JAKMIP3: variants seen among roughly 807,000 people sequenced by gnomAD.
The protein encoded by JAKMIP3 is janus kinase and microtubule-interacting protein 3.
A neutral mutation model predicts 118.5 loss-of-function variants in JAKMIP3; 58 were observed. The observed-to-expected ratio is 0.49, with a 90% CI of 0.40 to 0.61. The LOEUF (loss-of-function observed/expected upper bound fraction) is 0.61, where lower values mean the gene tolerates loss of function less well. JAKMIP3 is among the 20% of genes least tolerant of loss of function. The pLI is 0.00. For synonymous variants in JAKMIP3, 486 were observed against 451.2 expected (o/e 1.08, Z -0.98); for missense variants, 950 against 1,109.0 (o/e 0.86, Z 2.04).
intron 1 of JAKMIP3, among the ~76,000 whole-genome samples, chr10:132,093,045 GT>G (rs2043300348): frequency 1.3e-5 from 2 of 152,228 alleles, no homozygotes; most frequent in Admixed American, 6.5e-5. Flanking sequence ...TCCAGACCCT[GT>G]TTGCCTGGGT....
intron 2 of JAKMIP3, among the ~76,000 whole-genome samples, chr10:132,105,766 G>A (rs917161445): frequency 1.3e-5 from 2 of 152,178 alleles, no homozygotes; most frequent in African/African-American, 4.8e-5. Context: ...GGCTGGGAAC[G>A]AAGGCAGGTG....
chr10:132,093,341 C>T (rs996800516), intron 1 of JAKMIP3, among the ~76,000 whole-genome samples: 26 of 152,298 alleles, frequency 1.7e-4, no homozygotes, highest in Admixed American at 6.5e-4. Flanking sequence ...GCCTTTTGTT[C>T]GGCTGTGCCC....
chr10:132,115,238 G>A (rs938386341), intron 2 of JAKMIP3, among the ~76,000 whole-genome samples: 7 of 97,212 alleles, frequency 7.2e-5, no homozygotes, highest in Admixed American at 2.6e-4. Flanking sequence ...CACCGCGATC[G>A]CGGCTAGGGG....
Position 132,163,189 on chromosome 10 carries a change from C to T in JAKMIP3, c.2221-20C>T, listed in dbSNP as rs557603739. 18 of 1,545,860 alleles carry T rather than the reference C, an allele frequency of 1.2e-5. No individual in the cohort carries two copies. In the East Asian group the frequency reaches 1.5e-4, roughly 13 times the overall value. On this transcript the variant is annotated intron_variant, in intron 19 of 23. Transcript: ENST00000684848. ...TCTGGGGAGAAGGCAAGGACTAAGG[C>T]GTCTCCCCTTCCGCCCCAGCACATC...
chr10:132,059,929 G>A (rs909822634), upstream of JAKMIP3, among the ~76,000 whole-genome samples: 5 of 152,248 alleles, frequency 3.3e-5, no homozygotes, highest in Non-Finnish European at 7.3e-5. Context: ...AGGGGAGAGT[G>A]GAGCCGTGAG....
At position 132,055,809 on chromosome 10, in the gene JAKMIP3, C is replaced by T. The variant is rs913870; in HGVS notation, c.-138+19071C>T. 5.4e-3 allele frequency among the ~76,000 whole-genome samples: 819 copies of T among 152,300 alleles called. 14 individuals are homozygous for T. Among genetic ancestry groups the T allele is most frequent in the African/African-American group, 0.018 (764 of 41,562 alleles). On this transcript the variant is annotated intron_variant, in intron 1 of 23. Transcript: ENST00000657785. ...GTTTGTGTCCCACTGTGCCATCAGG[C>T]GACCTGGAGGTGCAGAGAGCCCAGT...
chr10:132,165,779 T>C (rs1387654215), intron 21 of JAKMIP3, among the ~76,000 whole-genome samples: 1 of 152,206 alleles, frequency 6.6e-6, no homozygotes, highest in Non-Finnish European at 1.5e-5. Flanking sequence ...GCCCTTCCAC[T>C]GGGCACTCAC....
In JAKMIP3 at chr10:132,168,317, C is replaced by T. The variant is rs763877472; in HGVS notation, c.*387C>T. Reference sequence around the variant, plus strand: ...CAGAAGCACCAGCCGCGGGTCCCCTCCTCTCTCTTGGTTCTCACAGTAGCT... The same window carrying T: ...CAGAAGCACCAGCCGCGGGTCCCCTTCTCTCTCTTGGTTCTCACAGTAGCT... On this transcript the variant is annotated 3_prime_UTR_variant, in exon 23 of 24. Coordinates refer to ENST00000684848, the MANE Select transcript of JAKMIP3 (RefSeq NM_001323087.2). 1.6e-6 allele frequency: 2 copies of T among 1,289,514 alleles called. No homozygotes were observed. The highest frequency in any genetic ancestry group is 2.5e-5 in the South Asian group (2 of 81,034). The allele number at this position is 1,289,514 out of a possible 1,614,324, so 79.9% of individuals were successfully genotyped here.
chr10:132,127,887 C>T (rs1314882409), intron 3 of JAKMIP3, among the ~76,000 whole-genome samples: 1 of 152,140 alleles, frequency 6.6e-6, no homozygotes, highest in East Asian at 1.9e-4. Context: ...ATACAAGTAC[C>T]TTATAAGGCA....
chr10:132,069,940 G>C (rs991408781), intron 1 of JAKMIP3, among the ~76,000 whole-genome samples: 4 of 152,182 alleles, frequency 2.6e-5, no homozygotes, highest in African/African-American at 7.2e-5. Context: ...GTCCCCAGTA[G>C]AGTGTGACCC....
intron 1 of JAKMIP3, among the ~76,000 whole-genome samples, chr10:132,047,962 G>T (rs991968139): frequency 6.6e-6 from 1 of 152,208 alleles, no homozygotes; most frequent in African/African-American, 2.4e-5. Flanking sequence ...CTGTGGCGCC[G>T]CCTGTGTCTT....
At chr10:132,147,697 C>G (rs567305244) in intron 13 of JAKMIP3, among the ~76,000 whole-genome samples, 1 of 152,246 alleles carries the variant, frequency 6.6e-6, no homozygotes, top group Non-Finnish European at 1.5e-5. Context: ...CTCAGGGCCC[C>G]GATATGATCG....
At chr10:132,151,717 G>T (rs574278837) in intron 16 of JAKMIP3, among the ~76,000 whole-genome samples, 1 of 152,040 alleles carries the variant, frequency 6.6e-6, no homozygotes, top group African/African-American at 2.4e-5. Context: ...CTATTTCAGG[G>T]TTCCTGCCCA....
At position 132,091,258 on chromosome 10, in the gene JAKMIP3, G is replaced by A. The variant is rs555213298; in HGVS notation, c.-137-13414G>A. ...TGCTGAGAAGAATGTATATTCTGTT[G>A]ATTTGGGGTGGAGAGTTCTGTAGAT... On this transcript the variant is annotated intron_variant, in intron 1 of 23. Transcript: ENST00000684848. 3.7e-3 allele frequency among the ~76,000 whole-genome samples: 566 copies of A among 152,346 alleles called. 6 individuals are homozygous for A. Among genetic ancestry groups the A allele is most frequent in the African/African-American group, 0.013 (537 of 41,580 alleles).
intron 2 of JAKMIP3, among the ~76,000 whole-genome samples, chr10:132,108,953 C>T (rs945102609): frequency 4.0e-5 from 6 of 148,288 alleles, no homozygotes; most frequent in Admixed American, 6.8e-5. Flanking sequence ...AAATTATATA[C>T]GCAAATGTAT....
At chr10:132,071,752 A>C (rs1278316145) in intron 1 of JAKMIP3, among the ~76,000 whole-genome samples, 2 of 151,822 alleles carry the variant, frequency 1.3e-5, no homozygotes, top group African/African-American at 4.8e-5. Flanking sequence ...CTATGCCTTT[A>C]TATTTAGAGT....
chr10:132,149,571 T>TCCGCCCCTGCCCCACCCCCC, intron 15 of JAKMIP3, 61 bp downstream of exon 15: 5 of 311,812 alleles, frequency 1.6e-5, no homozygotes, highest in South Asian at 8.7e-5. Flanking sequence ...CCCCACCCCC[T>TCCGCCCCTGCCCCACCCCCC]CTCCGCCCCC....
chr10:132,164,785 A>C lies in JAKMIP3; in HGVS notation c.2490+50A>C, dbSNP rs762227711. 7 of 1,309,198 alleles carry C rather than the reference A, an allele frequency of 5.3e-6. No homozygotes were observed. The East Asian group carries it at 1.6e-4, about 30-fold the overall frequency. 81.1% of individuals were successfully genotyped at this position (1,309,198 alleles called of 1,614,324 possible). A position where few individuals can be genotyped will look rare whatever the true frequency, so the allele number is the denominator to read the frequency against. ...TTGCTTGTTAAGATCAAGGGAGAGG[A>C]ACCCGGTGTCACCCCGACCTGAGTC... On this transcript the variant is annotated intron_variant, in intron 21 of 23. Transcript: ENST00000684848.
At chr10:132,075,953 G>T (rs937618698) in intron 1 of JAKMIP3, among the ~76,000 whole-genome samples, 5 of 151,680 alleles carry the variant, frequency 3.3e-5, no homozygotes, top group African/African-American at 1.2e-4. Flanking sequence ...CTTTCAACTT[G>T]TATCTGTCTG....
Sources: allele counts gnomAD v4.1 joint callset (sites outside exome capture counted in the v4.1 genomes callset), GRCh38; gene constraint gnomAD v4.1.1; transcripts MANE v1.5; gene names NCBI Gene and HGNC (gene_info 2026-07-23, HGNC 2026-07-21).